Variants in EPC2 observed in about 807,000 individuals in gnomAD.
EPC2 encodes the protein enhancer of polycomb homolog 2.
In EPC2, 14 loss-of-function variants were observed where a neutral mutation model predicts 92.1. The ratio of observed to expected loss-of-function variants is 0.15; its 90% CI spans 0.10 to 0.24. EPC2 has a LOEUF of 0.24. EPC2 is among the 10% of genes least tolerant of loss of function. The probability of loss-of-function intolerance (pLI) is 1.00; values close to 1 mark genes in which losing one functional copy is unlikely to be tolerated. For missense variants in EPC2, 755 were observed against 971.5 expected, an observed-to-expected ratio of 0.78 and a Z score of 2.96; for synonymous variants, 340 against 334.7, an observed-to-expected ratio of 1.02 and a Z score of -0.17.
In EPC2 at chr2:148,781,746, A is replaced by G; in HGVS notation, c.1823A>G (p.Gln608Arg). The G allele has an allele frequency of 1.9e-6, 3 of 1,613,984 alleles. No homozygotes were observed. Among genetic ancestry groups the G allele is most frequent in the Non-Finnish European group, 2.5e-6 (3 of 1,179,842 alleles). ...CAGCTTCAGCAGAAACAGCAATCTCAGCATTCCTCGCAACAGACACATCCA... is the reference window on the plus strand; with the variant it reads ...CAGCTTCAGCAGAAACAGCAATCTCGGCATTCCTCGCAACAGACACATCCA... ...LAQLQQKQQS[Q>R]HSSQQTHPKA... is the part of the protein sequence containing the mutation. Residue 608 changes from glutamine to arginine, a missense_variant, in exon 11 of 14, where the codon CAG (glutamine) becomes CGG (arginine). Around this residue, in one of 4 missense-constraint regions of EPC2, gnomAD observed 207 missense variants for 260.5 expected, o/e 0.79. Transcript: ENST00000258484.
At chr2:148,771,710 C>T (rs944609073) in intron 10 of EPC2, among the ~76,000 whole-genome samples, 2 of 152,024 alleles carry the variant, frequency 1.3e-5, no homozygotes, top group African/African-American at 2.4e-5. Flanking sequence ...CATTTTGGTG[C>T]GTAAACTTTC....
intron 1 of EPC2, among the ~76,000 whole-genome samples, chr2:148,671,815 G>C (rs1038579273): frequency 3.3e-5 from 5 of 151,198 alleles, no homozygotes; most frequent in African/African-American, 1.2e-4. Context: ...CTTCCTCCTT[G>C]CATTTTTAGT....
At chr2:148,682,581 G>A (rs1490604917) in intron 1 of EPC2, among the ~76,000 whole-genome samples, 1 of 152,132 alleles carries the variant, frequency 6.6e-6, no homozygotes. Flanking sequence ...TGGGAGGAAA[G>A]TTGCAGAGAG....
chr2:148,713,580 GCATT>G (rs926647130), intron 2 of EPC2, among the ~76,000 whole-genome samples: 1 of 152,104 alleles, frequency 6.6e-6, no homozygotes, highest in African/African-American at 2.4e-5. Context: ...CTAAGCCTTT[GCATT>G]CAGTCACCCC....
At chr2:148,691,694 C>A in intron 2 of EPC2, 1 of 1,342,500 alleles carries the variant, frequency 7.4e-7, no homozygotes, top group South Asian at 1.3e-5. Flanking sequence ...TGTTTTTGGA[C>A]CACAGTATTA....
chr2:148,676,675 C>A (rs538948800), intron 1 of EPC2, among the ~76,000 whole-genome samples: 2 of 150,978 alleles, frequency 1.3e-5, no homozygotes, highest in Non-Finnish European at 2.9e-5. Flanking sequence ...AAGTGGAGAT[C>A]TAAAGTTATG....
At chr2:148,747,401 C>T (rs1435119070) in intron 3 of EPC2, among the ~76,000 whole-genome samples, 1 of 151,834 alleles carries the variant, frequency 6.6e-6, no homozygotes, top group Non-Finnish European at 1.5e-5. Context: ...CACTTATCTC[C>T]TCTCTCATTT....
At chr2:148,744,492 T>C (rs1682941836) in intron 3 of EPC2, among the ~76,000 whole-genome samples, 1 of 152,128 alleles carries the variant, frequency 6.6e-6, no homozygotes, top group Non-Finnish European at 1.5e-5. Flanking sequence ...TTGTACATTA[T>C]ATAATATCAG....
At chr2:148,759,740 C>T (rs1197906938) in intron 4 of EPC2, among the ~76,000 whole-genome samples, 1 of 152,038 alleles carries the variant, frequency 6.6e-6, no homozygotes, top group Non-Finnish European at 1.5e-5. Flanking sequence ...TATGTATACA[C>T]ATACAGAGAG....
intron 3 of EPC2, among the ~76,000 whole-genome samples, chr2:148,752,838 A>AT (rs1683105522): frequency 1.3e-5 from 2 of 152,194 alleles, no homozygotes; most frequent in Admixed American, 1.3e-4. Context: ...GAGTTCTTCA[A>AT]TAGACTTCAT....
intron 3 of EPC2, among the ~76,000 whole-genome samples, chr2:148,750,143 T>C (rs940479020): frequency 6.6e-6 from 1 of 152,098 alleles, no homozygotes; most frequent in Non-Finnish European, 1.5e-5. Context: ...TTCCTTATTC[T>C]ATTTGTGGTT....
chr2:148,673,101 A>T (rs1260097872), intron 1 of EPC2, among the ~76,000 whole-genome samples: 4 of 152,088 alleles, frequency 2.6e-5, no homozygotes, highest in Non-Finnish European at 5.9e-5. Context: ...TTTTTCTCTT[A>T]CTTTCAAGAT....
chr2:148,764,157 T>C (rs1683363301), intron 6 of EPC2, among the ~76,000 whole-genome samples: 1 of 152,262 alleles, frequency 6.6e-6, no homozygotes, highest in Non-Finnish European at 1.5e-5. Context: ...AATATTTTTA[T>C]TGTGTGTACT....
At chr2:148,717,945 T>C (rs1242852497) in intron 2 of EPC2, among the ~76,000 whole-genome samples, 1 of 152,224 alleles carries the variant, frequency 6.6e-6, no homozygotes, top group Admixed American at 6.5e-5. Flanking sequence ...TGGGCACATA[T>C]ATAGGTTAGT....
intron 1 of EPC2, among the ~76,000 whole-genome samples, chr2:148,651,306 T>C (rs1019873963): frequency 2.6e-5 from 4 of 152,182 alleles, no homozygotes; most frequent in African/African-American, 4.8e-5. Context: ...ATAGAAACTT[T>C]AGGAGGATAG....
intron 1 of EPC2, among the ~76,000 whole-genome samples, chr2:148,655,984 G>C (rs1322684640): frequency 7.1e-6 from 1 of 139,898 alleles, no homozygotes; most frequent in Non-Finnish European, 1.5e-5. Flanking sequence ...ACACGCTACA[G>C]AGGCAGCTGC....
At chr2:148,701,893 C>A (rs564598967) in intron 2 of EPC2, among the ~76,000 whole-genome samples, 1 of 152,030 alleles carries the variant, frequency 6.6e-6, no homozygotes, top group Admixed American at 6.6e-5. Flanking sequence ...TTTGACTCTA[C>A]TTATTATAGA....
Position 148,775,593 on chromosome 2 carries a change from CTTTAAATA to C in EPC2, c.1720+4220_1720+4227del, listed in dbSNP as rs1203266182. On this transcript the variant is annotated intron_variant, in intron 10 of 13. Coordinates refer to ENST00000258484, the MANE Select transcript of EPC2 (RefSeq NM_015630.4). ...AGCCTTTCTGACCAGCTTTAAATAT[CTTTAAATA>C]TTTAAATATTTAATTATTTAAATTA... Among the ~76,000 whole-genome samples, 23 of 105,470 alleles carry C rather than the reference CTTTAAATA, an allele frequency of 2.2e-4. No individual in the cohort carries two copies. The South Asian group carries it at 3.4e-3, about 16-fold the overall frequency. 69.2% of individuals were successfully genotyped at this position (105,470 alleles called of 152,430 possible). A position where few individuals can be genotyped will look rare whatever the true frequency, so the allele number is the denominator to read the frequency against.
intron 13 of EPC2, among the ~76,000 whole-genome samples, chr2:148,785,414 G>A (rs976715424): frequency 1.4e-4 from 21 of 150,182 alleles, no homozygotes; most frequent in African/African-American, 4.6e-4. Context: ...TGCAGCCTCC[G>A]CCTCCCAGGT....
Sources: gnomAD v4.1 joint callset for allele counts (sites outside exome capture counted in the v4.1 genomes callset) on GRCh38, gnomAD v4.1.1 for gene constraint, gnomAD v4.1.1 regional missense constraint, MANE v1.5 for transcripts, NCBI Gene and HGNC (gene_info 2026-07-23, HGNC 2026-07-21) for gene names.